Variants in POFUT3 observed in about 807,000 individuals in gnomAD.
POFUT3 encodes protein O-fucosyltransferase 3, also known as GDP-fucose protein O-fucosyltransferase 3.
the POFUT3 span, among the ~76,000 whole-genome samples, chr8:33,379,877 CT>C: frequency 8.4e-6 from 1 of 119,392 alleles, no homozygotes; most frequent in African/African-American, 3.5e-5. Flanking sequence ...TATATATATA[CT>C]ATATATATAA....
the POFUT3 span, among the ~76,000 whole-genome samples, chr8:33,397,552 G>A: frequency 1.3e-5 from 2 of 152,162 alleles, no homozygotes; most frequent in Non-Finnish European, 2.9e-5. Flanking sequence ...TTCACTCAGG[G>A]AAACAGGGGC....
chr8:33,332,919 C>T, the POFUT3 span, among the ~76,000 whole-genome samples: 7 of 152,272 alleles, frequency 4.6e-5, no homozygotes, highest in South Asian at 1.5e-3. Flanking sequence ...CCACAATCTG[C>T]ACATATCTGT....
chr8:33,455,925 G>A, the POFUT3 span: 1 of 429,520 alleles, frequency 2.3e-6, no homozygotes, highest in African/African-American at 2.1e-5. Context: ...AAACCACTGA[G>A]TGAAAGCCAA....
the POFUT3 span, among the ~76,000 whole-genome samples, chr8:33,417,407 C>T: frequency 1.3e-5 from 2 of 152,272 alleles, no homozygotes; most frequent in African/African-American, 2.4e-5. Context: ...TTCCCCTCCC[C>T]GCCCCACAGT....
the POFUT3 span, among the ~76,000 whole-genome samples, chr8:33,382,992 A>G: frequency 6.6e-6 from 1 of 152,256 alleles, no homozygotes; most frequent in East Asian, 1.9e-4. Flanking sequence ...AGGTAGAGCA[A>G]GTTAGGACCA....
chr8:33,313,085 A>G, the POFUT3 span, among the ~76,000 whole-genome samples: 3,265 of 152,254 alleles, frequency 0.021, 124 homozygotes, highest in African/African-American at 0.075. Context: ...AAAATGGACA[A>G]TGAATGCCCA....
At chr8:33,318,645 GTATATATATTTATATAATA>G in the POFUT3 span, among the ~76,000 whole-genome samples, 1 of 60,870 alleles carries the variant, frequency 1.6e-5, no homozygotes, top group African/African-American at 7.4e-5. Context: ...TAAATATATT[GTATATATATTTATATAATA>G]TATAAATATA....
At chr8:33,358,423 A>G in the POFUT3 span, among the ~76,000 whole-genome samples, 1 of 152,326 alleles carries the variant, frequency 6.6e-6, no homozygotes, top group East Asian at 1.9e-4. Flanking sequence ...GCAATTCTCA[A>G]TTGGAAAGAA....
chr8:33,356,430 G>A, the POFUT3 span, among the ~76,000 whole-genome samples: 6 of 152,134 alleles, frequency 3.9e-5, no homozygotes, highest in East Asian at 9.6e-4. Flanking sequence ...CAGTGATGGT[G>A]AGCATTTTTT....
the POFUT3 span, among the ~76,000 whole-genome samples, chr8:33,310,990 C>T: frequency 2.0e-5 from 3 of 152,204 alleles, no homozygotes; most frequent in Admixed American, 6.5e-5. Context: ...TCCCTCCCTG[C>T]TCTGCTGAAC....
the POFUT3 span, among the ~76,000 whole-genome samples, chr8:33,470,829 G>T: frequency 1.3e-5 from 2 of 152,082 alleles, no homozygotes. Context: ...ATCTTCTGAG[G>T]TTCCATCCCA....
At chr8:33,373,768 C>T in the POFUT3 span, among the ~76,000 whole-genome samples, 1 of 151,974 alleles carries the variant, frequency 6.6e-6, no homozygotes, top group South Asian at 2.1e-4. Context: ...CCAGAAACAC[C>T]ATTAAAATGA....
the POFUT3 span, among the ~76,000 whole-genome samples, chr8:33,432,824 T>C: frequency 8.5e-5 from 13 of 152,324 alleles, no homozygotes; most frequent in East Asian, 2.1e-3. Context: ...TTTTTTATTA[T>C]AAAGGAATTT....
chr8:33,356,584 T>C, the POFUT3 span, among the ~76,000 whole-genome samples: 1 of 152,150 alleles, frequency 6.6e-6, no homozygotes, highest in African/African-American at 2.4e-5. Flanking sequence ...CTCTGTCAGA[T>C]GAGTAGGTTG....
the POFUT3 span, chr8:33,372,240 T>A: frequency 9.6e-7 from 1 of 1,041,196 alleles, no homozygotes; most frequent in African/African-American, 1.7e-5. Context: ...GTATCAAGAA[T>A]CTATAGCTAG....
At chr8:33,436,403 C>T in the POFUT3 span, 2 of 1,422,050 alleles carry the variant, frequency 1.4e-6, no homozygotes, top group Non-Finnish European at 2.0e-6. Flanking sequence ...GGACCATACT[C>T]CTCAAACTTG....
chr8:33,407,476 A>C, the POFUT3 span, among the ~76,000 whole-genome samples: 1 of 152,236 alleles, frequency 6.6e-6, no homozygotes, highest in East Asian at 1.9e-4. Flanking sequence ...AAGAGCATTA[A>C]ATGCTGGTGA....
chr8:33,352,853 G>C, the POFUT3 span, among the ~76,000 whole-genome samples: 3 of 152,074 alleles, frequency 2.0e-5, no homozygotes, highest in East Asian at 3.9e-4. Flanking sequence ...ATTACCCTGG[G>C]ACCACCCTAT....
chr8:33,424,415 C>T, the POFUT3 span, among the ~76,000 whole-genome samples: 6 of 152,160 alleles, frequency 3.9e-5, no homozygotes, highest in Non-Finnish European at 8.8e-5. Flanking sequence ...TGGATAGGAG[C>T]ACTACACACC....
Sources: allele counts gnomAD v4.1 joint callset (sites outside exome capture counted in the v4.1 genomes callset), GRCh38; gene constraint gnomAD v4.1.1; transcripts MANE v1.5; gene names NCBI Gene and HGNC (gene_info 2026-07-23, HGNC 2026-07-21).